Variants in SLC24A2 observed in about 807,000 individuals in gnomAD.
SLC24A2 encodes sodium/potassium/calcium exchanger 2.
SLC24A2 carries 36 observed loss-of-function variants against 62.0 expected under a neutral mutation model. The ratio of observed to expected loss-of-function variants is 0.58; its 90% CI spans 0.44 to 0.77. The LOEUF is 0.77. SLC24A2 is among the 30% of genes least tolerant of loss of function. The probability of loss-of-function intolerance (pLI) is 0.00; values close to 1 mark genes in which losing one functional copy is unlikely to be tolerated. For synonymous variants in SLC24A2, 358 were observed against 294.0 expected (o/e 1.22, Z -2.23); for missense variants, 846 against 817.9 (o/e 1.03, Z -0.42).
the SLC24A2 span, among the ~76,000 whole-genome samples, chr9:20,235,688 C>T: frequency 6.6e-6 from 1 of 152,174 alleles, no homozygotes; most frequent in South Asian, 2.1e-4. Context: ...CCGGGTGAGG[C>T]AATGCCTTGC....
At chr9:19,847,452 T>C in the SLC24A2 span, among the ~76,000 whole-genome samples, 1 of 152,212 alleles carries the variant, frequency 6.6e-6, no homozygotes, top group Admixed American at 6.5e-5. Flanking sequence ...TACCCTATCT[T>C]CTCATTGGTT....
At chr9:19,690,243 A>G (rs1447622964) in intron 2 of SLC24A2, among the ~76,000 whole-genome samples, 1 of 152,044 alleles carries the variant, frequency 6.6e-6, no homozygotes, top group African/African-American at 2.4e-5. Context: ...ATTTCTCTGG[A>G]GAGCTCTGAC....
At chr9:20,218,456 G>A in the SLC24A2 span, among the ~76,000 whole-genome samples, 2 of 152,120 alleles carry the variant, frequency 1.3e-5, no homozygotes, top group African/African-American at 4.8e-5. Context: ...GTGTCTGCTT[G>A]TGTCGGAATG....
the SLC24A2 span, among the ~76,000 whole-genome samples, chr9:19,924,554 C>A: frequency 6.6e-6 from 1 of 152,146 alleles, no homozygotes; most frequent in Non-Finnish European, 1.5e-5. Flanking sequence ...CCAGCAGAAG[C>A]CACTGAGGGT....
chr9:19,757,084 T>G (rs1046083105), intron 2 of SLC24A2, among the ~76,000 whole-genome samples: 2 of 151,854 alleles, frequency 1.3e-5, no homozygotes, highest in African/African-American at 4.8e-5. Flanking sequence ...CTGAAACTTT[T>G]TAAAAACAGA....
chr9:20,263,076 A>C, the SLC24A2 span, among the ~76,000 whole-genome samples: 1 of 152,198 alleles, frequency 6.6e-6, no homozygotes, highest in Admixed American at 6.5e-5. Flanking sequence ...TGGAGCCTGC[A>C]CCTGTGCTAT....
At chr9:20,072,922 T>C in the SLC24A2 span, among the ~76,000 whole-genome samples, 2 of 152,158 alleles carry the variant, frequency 1.3e-5, no homozygotes. Context: ...AATAAACATG[T>C]TTTGTTTTAA....
At chr9:19,544,941 T>G (rs1410518646) in intron 8 of SLC24A2, among the ~76,000 whole-genome samples, 1 of 152,218 alleles carries the variant, frequency 6.6e-6, no homozygotes, top group African/African-American at 2.4e-5. Context: ...TTTGTGGTGT[T>G]CTCTGTATTT....
chr9:19,793,069 G>A (rs1823339391), upstream of SLC24A2, among the ~76,000 whole-genome samples: 1 of 152,206 alleles, frequency 6.6e-6, no homozygotes, highest in East Asian at 1.9e-4. Context: ...ATCTAGCCCT[G>A]CGCTTGGCAT....
the SLC24A2 span, among the ~76,000 whole-genome samples, chr9:20,026,777 T>C: frequency 6.6e-6 from 1 of 152,196 alleles, no homozygotes; most frequent in African/African-American, 2.4e-5. Flanking sequence ...AATGACTTTT[T>C]GGATAAGACC....
the SLC24A2 span, among the ~76,000 whole-genome samples, chr9:19,851,174 C>T: frequency 1.3e-5 from 2 of 149,394 alleles, no homozygotes; most frequent in Middle Eastern, 3.4e-3. Flanking sequence ...TAGGAGCCCA[C>T]CACCATGCCA....
the SLC24A2 span, among the ~76,000 whole-genome samples, chr9:20,257,933 C>T: frequency 1.3e-5 from 2 of 152,096 alleles, no homozygotes; most frequent in Non-Finnish European, 2.9e-5. Flanking sequence ...GTGTAAACAG[C>T]TAAGAAAAGG....
rs1832751052 is a variant in SLC24A2, at chr9:19,512,400, C to G, written c.*3753G>C. Reference sequence around the variant, plus strand: ...CTTCTGGGCAAGGCTTTAGGACATTCTGCTGCATCTGCCGAGGGTATAAAC... The same window carrying G: ...CTTCTGGGCAAGGCTTTAGGACATTGTGCTGCATCTGCCGAGGGTATAAAC... On this transcript the variant is annotated 3_prime_UTR_variant, in exon 11 of 11. Transcript: ENST00000341998. The G allele has an allele frequency of 6.6e-6, 1 of 152,258 alleles. No homozygotes were observed. The highest frequency in any genetic ancestry group is 6.5e-5 in the Admixed American group (1 of 15,280). 9.4% of individuals were successfully genotyped at this position (152,258 alleles called of 1,614,324 possible). A position where few individuals can be genotyped will look rare whatever the true frequency, so the allele number is the denominator to read the frequency against.
At chr9:19,960,809 C>T in the SLC24A2 span, among the ~76,000 whole-genome samples, 5 of 152,158 alleles carry the variant, frequency 3.3e-5, no homozygotes, top group Admixed American at 6.6e-5. Flanking sequence ...GTATTTACTT[C>T]ACAGGGTTGT....
the SLC24A2 span, among the ~76,000 whole-genome samples, chr9:20,148,434 A>G: frequency 2.0e-5 from 3 of 152,108 alleles, no homozygotes; most frequent in Admixed American, 6.6e-5. Flanking sequence ...ACCTTTGACT[A>G]TGGGCATGAA....
the SLC24A2 span, among the ~76,000 whole-genome samples, chr9:20,035,716 C>T: frequency 2.8e-4 from 43 of 152,178 alleles, 1 homozygote; most frequent in South Asian, 1.2e-3. Flanking sequence ...GCCAGGATAG[C>T]GCTGCACTCC....
intron 2 of SLC24A2, among the ~76,000 whole-genome samples, chr9:19,629,331 T>C (rs539099451): frequency 2.1e-4 from 32 of 152,332 alleles, no homozygotes; most frequent in South Asian, 4.1e-4. Flanking sequence ...TATTAAGAAC[T>C]GTTATGAGCT....
At chr9:19,616,848 T>C (rs1332923629) in intron 4 of SLC24A2, among the ~76,000 whole-genome samples, 1 of 151,996 alleles carries the variant, frequency 6.6e-6, no homozygotes, top group Non-Finnish European at 1.5e-5. Flanking sequence ...TCAGGAAGTA[T>C]TTACACAGAG....
Position 19,512,718 on chromosome 9 carries a change from T to A in SLC24A2, c.*3435A>T, listed in dbSNP as rs1391495831. Reference sequence around the variant, plus strand: ...GTTTGCTGTGAATAAATGAAATCATTTGCGTGCAACTCATTTATTTTAGAT... The same window carrying A: ...GTTTGCTGTGAATAAATGAAATCATATGCGTGCAACTCATTTATTTTAGAT... On this transcript the variant is annotated 3_prime_UTR_variant, in exon 11 of 11. Transcript: ENST00000341998. 1 of 152,176 alleles carries A rather than the reference T, an allele frequency of 6.6e-6. No homozygotes were observed. The highest frequency in any genetic ancestry group is 2.4e-5 in the African/African-American group (1 of 41,430). The allele number at this position is 152,176 out of a possible 1,614,324, so 9.4% of individuals were successfully genotyped here. A position where few individuals can be genotyped will look rare whatever the true frequency, so the allele number is the denominator to read the frequency against.
Sources: allele counts gnomAD v4.1 joint callset (sites outside exome capture counted in the v4.1 genomes callset), GRCh38; gene constraint gnomAD v4.1.1; transcripts MANE v1.5; gene names NCBI Gene and HGNC (gene_info 2026-07-23, HGNC 2026-07-21).